NHS: variants seen among roughly 807,000 people sequenced by gnomAD.
NHS encodes the protein actin remodeling regulator NHS.
In NHS, 5 loss-of-function variants were observed where a neutral mutation model predicts 72.5. The observed-to-expected ratio is 0.07, with a 90% CI of 0.04 to 0.14. The LOEUF (loss-of-function observed/expected upper bound fraction) is 0.14. Among genes scored for constraint, NHS ranks in the 10% least tolerant of loss-of-function variants. NHS has a pLI of 1.00. For synonymous variants in NHS, 464 were observed against 547.7 expected (o/e 0.85, Z 2.13); for missense variants, 1,072 against 1,355.7 (o/e 0.79, Z 3.29).
intron 1 of NHS, among the ~76,000 whole-genome samples, chrX:17,672,257 A>G (rs2066051815): frequency 8.9e-6 from 1 of 111,959 alleles, no homozygotes; most frequent in South Asian, 3.8e-4. Flanking sequence ...CCTAGCTGGA[A>G]TTGAAGGATG....
intron 1 of NHS, among the ~76,000 whole-genome samples, chrX:17,455,409 A>G (rs576981300): frequency 1.7e-3 from 195 of 111,851 alleles, no homozygotes; most frequent in Non-Finnish European, 3.0e-3. Flanking sequence ...AACATATTCC[A>G]TAGCTCATTC....
At position 17,629,867 on chromosome X, in the gene NHS, A is replaced by G. The variant is rs181635066; in HGVS notation, c.566-57875A>G. Among the ~76,000 whole-genome samples, 184 of 110,922 alleles carry G rather than the reference A, an allele frequency of 1.7e-3. 1 individual carries two copies. Among genetic ancestry groups the G allele is most frequent in the African/African-American group, 5.6e-3 (169 of 30,441 alleles). On this transcript the variant is annotated intron_variant, in intron 1 of 8. Coordinates refer to ENST00000676302, the MANE Select transcript of NHS (RefSeq NM_001291867.2). Reference sequence around the variant, plus strand: ...ACCCAACTTTTTCCTGAAATGCCAGAGGAACAAAACAGGTCAGTGGTGAAT... The same window carrying G: ...ACCCAACTTTTTCCTGAAATGCCAGGGGAACAAAACAGGTCAGTGGTGAAT...
chrX:17,438,748 TCTCC>T (rs2064736573), intron 1 of NHS, among the ~76,000 whole-genome samples: 1 of 111,655 alleles, frequency 9.0e-6, no homozygotes, highest in African/African-American at 3.3e-5. Context: ...AAGAAATAGT[TCTCC>T]AACACTCTCC....
intron 1 of NHS, among the ~76,000 whole-genome samples, chrX:17,683,169 G>A (rs917124240): frequency 1.8e-5 from 2 of 111,967 alleles, no homozygotes; most frequent in South Asian, 3.8e-4. Flanking sequence ...CATTTCCTGC[G>A]ATGGCATTTT....
chrX:17,404,495 A>G (rs1468161487), intron 1 of NHS, among the ~76,000 whole-genome samples: 1 of 111,871 alleles, frequency 8.9e-6, no homozygotes, highest in Non-Finnish European at 1.9e-5. Context: ...ACACTCCTGC[A>G]GAGTGAAATC....
At chrX:17,672,597 C>A (rs186854277) in intron 1 of NHS, among the ~76,000 whole-genome samples, 14 of 112,841 alleles carry the variant, frequency 1.2e-4, no homozygotes, top group African/African-American at 4.5e-4. Context: ...CAGGGACCCT[C>A]ACTCCCTCTC....
intron 2 of NHS, among the ~76,000 whole-genome samples, chrX:17,690,409 C>T (rs183124695): frequency 2.2e-3 from 249 of 112,149 alleles, no homozygotes; most frequent in Non-Finnish European, 3.4e-3. Flanking sequence ...TTGCTTCCAC[C>T]ATGAGGGAGT....
intron 3 of NHS, among the ~76,000 whole-genome samples, chrX:17,695,280 C>G (rs555023397): frequency 4.5e-5 from 5 of 111,993 alleles, no homozygotes; most frequent in Admixed American, 1.9e-4. Flanking sequence ...GGGTGTTCAT[C>G]AAAGCACTGT....
Position 17,397,140 on chromosome X carries a change from T to A in NHS, c.565+20818T>A, listed in dbSNP as rs183035081. Among the ~76,000 whole-genome samples, 141 of 112,855 alleles carry A rather than the reference T, an allele frequency of 1.2e-3. 1 individual carries two copies. The highest frequency in any genetic ancestry group is 4.4e-3 in the African/African-American group (138 of 31,148). On this transcript the variant is annotated intron_variant, in intron 1 of 8. Transcript: ENST00000676302. ...GGGAAGAATCTCTGGCTAGAGCCAG[T>A]ACACTTCCCTATGGGCTTCCTGCTT...
chrX:17,536,389 C>G (rs770031090), intron 1 of NHS, among the ~76,000 whole-genome samples: 1 of 111,830 alleles, frequency 8.9e-6, no homozygotes, highest in Non-Finnish European at 1.9e-5. Flanking sequence ...AACAAACAAA[C>G]AAAAAACTTG....
At chrX:17,675,311 T>C (rs2066073248) in intron 1 of NHS, among the ~76,000 whole-genome samples, 1 of 112,706 alleles carries the variant, frequency 8.9e-6, no homozygotes, top group African/African-American at 3.2e-5. Context: ...ATCAAGATTT[T>C]CAGCACAAGA....
At position 17,536,318 on chromosome X, in the gene NHS, G is replaced by A. The variant is rs757874654; in HGVS notation, c.566-151424G>A. Among the ~76,000 whole-genome samples the A allele has an allele frequency of 6.2e-5, 7 of 112,770 alleles. No homozygotes were observed. The South Asian group carries it at 1.8e-3, about 29-fold the overall frequency. ...TGCAGTGAGCCGAGATCGCGCCACT[G>A]CACTCCAGCCTGGGCAACAGAGCGA... On this transcript the variant is annotated intron_variant, in intron 1 of 8. Transcript: ENST00000676302.
chrX:17,677,415 G>A (rs1413791622), intron 1 of NHS, among the ~76,000 whole-genome samples: 1 of 111,069 alleles, frequency 9.0e-6, no homozygotes, highest in Non-Finnish European at 1.9e-5. Context: ...TTAAAAGGAT[G>A]TACCTTGCTG....
rs1244227927 is a variant in NHS at position 17,727,293 on chromosome X, C to G, written c.3187C>G (p.Leu1063Val). 4.1e-6 allele frequency: 5 copies of G among 1,211,637 alleles called. No individual in the cohort carries two copies. In the East Asian group the frequency reaches 1.5e-4, roughly 36 times the overall value. The change falls in exon 7 of 9, where the codon CTA (leucine) becomes GTA (valine). Residue 1063 changes from leucine (L) to valine (V), a missense_variant. Leu to Val is a conservative substitution (Grantham distance 32, BLOSUM62 1). Coordinates refer to ENST00000676302, the MANE Select transcript of NHS (RefSeq NM_001291867.2). ...TAAAGTCCCAGAAAGAAAATCCTCA[C>G]TACAGCAACCCTCTTTAAAAGATGG... Reference protein sequence around the residue: ...KPKVPERKSSLQQPSLKDGTI... With the variant: ...KPKVPERKSSVQQPSLKDGTI...
rs141525588 is a variant in NHS at position 17,728,149 on chromosome X, G to A, written c.4043G>A (p.Arg1348His). 45 of 1,209,717 alleles carry A rather than the reference G, an allele frequency of 3.7e-5. No individual in the cohort carries two copies. The highest frequency in any genetic ancestry group is 5.9e-5 in the East Asian group (2 of 33,779). ...TTTAAGCATCAATTTGTTATGAGCC[G>A]CCACCATGACAAAGTGCCTGGTACT... Reference protein sequence around the residue: ...NQFKHQFVMSRHHDKVPGTIS... With the variant: ...NQFKHQFVMSHHHDKVPGTIS... The change falls in exon 7 of 9, where the codon CGC becomes CAC. Residue 1348 changes from arginine (R) to histidine (H), a missense_variant. Transcript: ENST00000676302.
Position 17,728,311 on chromosome X carries a change from A to G in NHS, c.4205A>G (p.Asp1402Gly). The change falls in exon 7 of 9, where the codon GAT becomes GGT. Residue 1402 changes from aspartate to glycine, a missense_variant. Transcript: ENST00000676302. ...GCAGAGGAGACCCAAGGAAATGTGG[A>G]TGAGGCTTCATTGAAAGGTCAGTCA... ...SKAEETQGNV[D>G]EASLKESSPS... The G allele has an allele frequency of 3.3e-6, 4 of 1,210,670 alleles. No homozygotes were observed. The highest frequency in any genetic ancestry group is 4.5e-6 in the Non-Finnish European group (4 of 894,374).
intron 1 of NHS, among the ~76,000 whole-genome samples, chrX:17,621,867 C>T (rs981130510): frequency 8.9e-6 from 1 of 111,914 alleles, no homozygotes; most frequent in African/African-American, 3.3e-5. Flanking sequence ...TCCCTTTCCT[C>T]ATCCGTAAAA....
At chrX:17,594,246 C>T (rs2065615450) in intron 1 of NHS, among the ~76,000 whole-genome samples, 1 of 112,058 alleles carries the variant, frequency 8.9e-6, no homozygotes. Flanking sequence ...TGTAAGCATT[C>T]CTATAGCAAA....
intron 1 of NHS, among the ~76,000 whole-genome samples, chrX:17,407,713 A>G (rs767966350): frequency 9.0e-6 from 1 of 111,576 alleles, no homozygotes; most frequent in East Asian, 2.8e-4. Context: ...TGACCATATA[A>G]CCTTTTATTT....
Sources: allele counts gnomAD v4.1 joint callset (sites outside exome capture counted in the v4.1 genomes callset), GRCh38; gene constraint gnomAD v4.1.1; transcripts MANE v1.5; gene names NCBI Gene and HGNC (gene_info 2026-07-23, HGNC 2026-07-21).